Variants in GAREM1 observed in about 807,000 individuals in gnomAD.
The protein encoded by GAREM1 is GRB2-associated and regulator of MAPK protein 1.
A neutral mutation model predicts 71.3 loss-of-function variants in GAREM1; 26 were observed. That is an observed-to-expected ratio of 0.36 (90% CI 0.27 to 0.51). The LOEUF is 0.51. Ranked by LOEUF, GAREM1 falls within the 20% of genes least tolerant of loss-of-function variation. The pLI, the probability that GAREM1 is intolerant of heterozygous loss-of-function variation, is 0.95. For missense variants in GAREM1, 1,026 were observed against 1,103.1 expected (o/e 0.93, Z 0.99); for synonymous variants, 440 against 433.2 (o/e 1.02, Z -0.20).
chr18:32,455,508 TAC>T (rs1438388107), intron 1 of GAREM1, among the ~76,000 whole-genome samples: 3 of 151,974 alleles, frequency 2.0e-5, no homozygotes, highest in Non-Finnish European at 2.9e-5. Context: ...CACACGCACA[TAC>T]ACACACACTT....
chr18:32,310,563 C>T (rs2144519091), intron 2 of GAREM1, among the ~76,000 whole-genome samples: 1 of 152,020 alleles, frequency 6.6e-6, no homozygotes, highest in Non-Finnish European at 1.5e-5. Flanking sequence ...GAGTTTATTC[C>T]CAGATGTCCA....
At chr18:32,438,745 T>C (rs1301328379) in intron 1 of GAREM1, among the ~76,000 whole-genome samples, 2 of 152,210 alleles carry the variant, frequency 1.3e-5, no homozygotes, top group South Asian at 2.1e-4. Context: ...AAATCTATAA[T>C]AACATTACCT....
chr18:32,306,091 C>A (rs926015106), intron 3 of GAREM1, among the ~76,000 whole-genome samples: 8 of 152,184 alleles, frequency 5.3e-5, no homozygotes, highest in African/African-American at 1.9e-4. Context: ...AGTCTCAGAG[C>A]TGATTATTAT....
chr18:32,450,916 G>C (rs564478979), intron 1 of GAREM1, among the ~76,000 whole-genome samples: 5 of 152,252 alleles, frequency 3.3e-5, no homozygotes, highest in Non-Finnish European at 7.4e-5. Context: ...TTGGAAGGCT[G>C]AGGCAGAACT....
At position 32,313,824 on chromosome 18, in the gene GAREM1, G is replaced by GCTT. The variant is rs200940474; in HGVS notation, c.263-3504_263-3502dup. On this transcript the variant is annotated intron_variant, in intron 2 of 5. Coordinates refer to ENST00000269209, the MANE Select transcript of GAREM1 (RefSeq NM_001242409.2). ...AAAAATAGAGCTGCCACCTGAAAGGGCTTCTCTCAGGGAATATCCAAGTTT... is the reference window on the plus strand; with the variant it reads ...AAAAATAGAGCTGCCACCTGAAAGGGCTTCTTCTCTCAGGGAATATCCAAGTTT... Among the ~76,000 whole-genome samples, 1,364 of 152,236 alleles carry GCTT rather than the reference G, an allele frequency of 9.0e-3. 18 individuals carry two copies. The highest frequency in any genetic ancestry group is 0.031 in the African/African-American group (1,298 of 41,542).
intron 2 of GAREM1, among the ~76,000 whole-genome samples, chr18:32,370,248 T>G (rs1330757880): frequency 1.3e-5 from 2 of 152,104 alleles, no homozygotes; most frequent in Non-Finnish European, 2.9e-5. Flanking sequence ...GCCAACATAG[T>G]GAAACCCCGT....
intron 2 of GAREM1, among the ~76,000 whole-genome samples, chr18:32,347,709 A>G (rs1457192466): frequency 6.6e-6 from 1 of 152,250 alleles, no homozygotes; most frequent in Non-Finnish European, 1.5e-5. Context: ...CAAAACATTT[A>G]CTTATTTTAT....
rs200162209 is a variant in GAREM1 at position 32,287,471 on chromosome 18, G to T, written c.1126C>A (p.Arg376Ser). ...TGGAAGGACTGGGTGAGCTCATCGCGGGCGTAGCTGAGCGAATTGGGCACG... is the reference window on the plus strand; with the variant it reads ...TGGAAGGACTGGGTGAGCTCATCGCTGGCGTAGCTGAGCGAATTGGGCACG... ...NHVPNSLSYA[R>S]DELTQSFHRL... The change falls in exon 4 of 6, where the codon CGC (arginine) becomes AGC (serine). Residue 376 changes from arginine to serine, a missense_variant. Around this residue, in one of 3 missense-constraint regions of GAREM1, gnomAD observed 636 missense variants for 631.2 expected, o/e 1.01. Coordinates refer to ENST00000269209, the MANE Select transcript of GAREM1 (RefSeq NM_001242409.2). This position sits in a 1 kb window ranked among gnomAD's most constrained non-coding sequence, Gnocchi z 5.9. The T allele has an allele frequency of 1.2e-6, 2 of 1,614,134 alleles. No homozygotes were observed. Among genetic ancestry groups the T allele is most frequent in the East Asian group, 2.2e-5 (1 of 44,874 alleles).
chr18:32,450,171 G>C (rs1202092783), intron 1 of GAREM1, among the ~76,000 whole-genome samples: 1 of 152,152 alleles, frequency 6.6e-6, no homozygotes, highest in African/African-American at 2.4e-5. Flanking sequence ...TGAGTACTCA[G>C]CAATCAGTAT....
chr18:32,267,006 C>T lies in GAREM1; in HGVS notation c.*865G>A, dbSNP rs2041382488. The stretch of plus-strand genomic sequence containing the variant: ...GATGAACCCAAATAAGATTGAGCTT[C>T]AAGAGACAGGGTTCTGAGAATCTTT... On this transcript the variant is annotated 3_prime_UTR_variant, in exon 6 of 6. Transcript: ENST00000269209. 5 of 152,310 alleles carry T rather than the reference C, an allele frequency of 3.3e-5. 1 individual carries two copies. In the South Asian group the frequency reaches 1.0e-3, roughly 32 times the overall value. The allele number at this position is 152,310 out of a possible 1,614,324, so 9.4% of individuals were successfully genotyped here. A position where few individuals can be genotyped will look rare whatever the true frequency, so the allele number is the denominator to read the frequency against.
At chr18:32,370,460 T>A (rs1245489003) in intron 2 of GAREM1, among the ~76,000 whole-genome samples, 1 of 151,480 alleles carries the variant, frequency 6.6e-6, no homozygotes, top group Non-Finnish European at 1.5e-5. Context: ...ATTTTTACCA[T>A]AGGCATAACA....
chr18:32,302,223 T>A (rs1412103770), intron 3 of GAREM1, among the ~76,000 whole-genome samples: 1 of 152,184 alleles, frequency 6.6e-6, no homozygotes, highest in Non-Finnish European at 1.5e-5. Flanking sequence ...TGGCTTCATA[T>A]GAACCAATGA....
chr18:32,314,591 TTG>T (rs1291114443), intron 2 of GAREM1, among the ~76,000 whole-genome samples: 146 of 140,744 alleles, frequency 1.0e-3, no homozygotes, highest in African/African-American at 4.2e-3. Context: ...CTTTTTGTTG[TTG>T]TTTTTTTTTT....
intron 3 of GAREM1, among the ~76,000 whole-genome samples, chr18:32,302,574 C>G (rs1230426671): frequency 6.6e-6 from 1 of 152,054 alleles, no homozygotes; most frequent in Non-Finnish European, 1.5e-5. Flanking sequence ...ATGAATGAAC[C>G]TGGAGGGTAT....
intron 5 of GAREM1, 138 bp downstream of exon 5, chr18:32,270,079 A>G: frequency 1.1e-6 from 1 of 938,432 alleles, no homozygotes; most frequent in Non-Finnish European, 1.6e-6. Flanking sequence ...TCACTCAGTA[A>G]AATTATTTAG....
At chr18:32,437,750 G>C (rs2048693154) in intron 1 of GAREM1, among the ~76,000 whole-genome samples, 1 of 152,158 alleles carries the variant, frequency 6.6e-6, no homozygotes, top group Non-Finnish European at 1.5e-5. Flanking sequence ...TGACACTTCA[G>C]TGGCAGTCTT....
chr18:32,460,231 TG>T (rs1417017288), intron 1 of GAREM1, among the ~76,000 whole-genome samples: 3 of 152,034 alleles, frequency 2.0e-5, no homozygotes, highest in Admixed American at 6.5e-5. Flanking sequence ...ACATAAGCAC[TG>T]CTCATAGAGG....
chr18:32,383,268 CAT>C (rs1487139256), intron 2 of GAREM1, among the ~76,000 whole-genome samples: 1 of 152,192 alleles, frequency 6.6e-6, no homozygotes, highest in Non-Finnish European at 1.5e-5. Flanking sequence ...ACATGGTACA[CAT>C]AGTTTTGTTG....
intron 1 of GAREM1, among the ~76,000 whole-genome samples, chr18:32,397,526 T>C (rs2048269490): frequency 6.6e-6 from 1 of 152,094 alleles, no homozygotes. Context: ...AAACAGATTT[T>C]AAACCAACAA....
Sources: gnomAD v4.1 joint callset for allele counts (sites outside exome capture counted in the v4.1 genomes callset) on GRCh38, gnomAD v4.1.1 for gene constraint, gnomAD v4.1.1 regional missense constraint, Gnocchi (gnomAD v3.1) non-coding constraint, MANE v1.5 for transcripts, NCBI Gene and HGNC (gene_info 2026-07-23, HGNC 2026-07-21) for gene names.